Variants in ABCC11 observed in about 807,000 individuals in gnomAD.
The protein encoded by ABCC11 is ATP binding cassette subfamily C member 11, also known as ATP-binding cassette sub-family C member 11.
ABCC11 carries 135 observed loss-of-function variants against 149.3 expected under a neutral mutation model. That is an observed-to-expected ratio of 0.90 (90% CI 0.79 to 1.04). The LOEUF is 1.04. Among genes scored for constraint, ABCC11 ranks in the 50% least tolerant of loss-of-function variants. ABCC11 has a pLI of 0.00. For missense variants in ABCC11, 1,680 were observed against 1,722.1 expected, an observed-to-expected ratio of 0.98 and a Z score of 0.43; for synonymous variants, 665 against 671.4, an observed-to-expected ratio of 0.99 and a Z score of 0.15.
At chr16:48,222,479 C>G (rs1969807697) in intron 6 of ABCC11, 119 bp downstream of exon 6, 2 of 807,500 alleles carry the variant, frequency 2.5e-6, no homozygotes, top group South Asian at 3.6e-5. Context: ...GAATTATTTT[C>G]TTTCTCTTTC....
chr16:48,183,517 T>A (rs553755575), intron 23 of ABCC11, among the ~76,000 whole-genome samples: 3 of 152,348 alleles, frequency 2.0e-5, no homozygotes, highest in South Asian at 4.1e-4. Flanking sequence ...GTGCCAGCAC[T>A]TTGGGAGACC....
rs763261434 is a variant in ABCC11 at position 48,215,225 on chromosome 16, C to A, written c.1071G>T (p.Trp357Cys). 6.2e-7 allele frequency: 1 copy of A among 1,612,770 alleles called. No homozygotes were observed. Among genetic ancestry groups the A allele is most frequent in the Admixed American group, 1.7e-5 (1 of 59,980 alleles). The change falls in exon 8 of 30, where the codon TGG becomes TGT. Residue 357 changes from tryptophan (W) to cysteine (C), a missense_variant. Transcript: ENST00000356608. ...TCIKLIKMYT[W>C]EKPFAKIIED... The stretch of plus-strand genomic sequence containing the variant: ...CAATGATTTTTGCAAATGGTTTCTC[C>A]CATGTGTACATTTTAATCAGCTTAA...
chr16:48,213,517 G>A lies in ABCC11; in HGVS notation c.1282C>T (p.Arg428Trp), dbSNP rs769103104. The change falls in exon 10 of 30, where the codon CGG (arginine) becomes TGG (tryptophan). Residue 428 changes from arginine (R) to tryptophan (W), a missense_variant. Physicochemically the swap from Arg to Trp is moderately radical, Grantham distance 101. Transcript: ENST00000356608. ...ATAGGCACAAAGAACACTGACAGCC[G>A]AAGGAGATTCAAGGAGGCCAGCATG... ...FSMLASLNLLRLSVFFVPIAV... is the reference protein window; with the variant it reads ...FSMLASLNLLWLSVFFVPIAV... 2.4e-5 allele frequency: 38 copies of A among 1,610,658 alleles called. No homozygotes were observed. The highest frequency in any genetic ancestry group is 2.7e-5 in the African/African-American group (2 of 74,812).
intron 9 of ABCC11, among the ~76,000 whole-genome samples, chr16:48,213,905 C>T (rs1969122124): frequency 6.6e-6 from 1 of 152,168 alleles, no homozygotes; most frequent in South Asian, 2.1e-4. Flanking sequence ...GTGAGCATTG[C>T]TTCCTTTCAA....
rs1391625021 is a variant in ABCC11 at position 48,222,807 on chromosome 16, C to T, written c.568G>A (p.Glu190Lys). ...TTCCCCAACTGCTCTTCTGAATATT[C>T]CAGGATCTTTGGTATAATCAATATC... ...GPILIIPKIL[E>K]YSEEQLGNVV... Residue 190 changes from glutamate to lysine, a missense_variant, in exon 6 of 30, where the codon GAA becomes AAA. Transcript: ENST00000356608. 1.9e-6 allele frequency: 3 copies of T among 1,613,800 alleles called. No individual in the cohort carries two copies. Among genetic ancestry groups the T allele is most frequent in the African/African-American group, 1.3e-5 (1 of 74,906 alleles).
chr16:48,186,916 G>C (rs1322611487), intron 22 of ABCC11, 37 bp downstream of exon 22: 1 of 1,612,038 alleles, frequency 6.2e-7, no homozygotes, highest in Non-Finnish European at 8.5e-7. Flanking sequence ...CCACCCCTGT[G>C]GTTCCATCAT....
intron 20 of ABCC11, among the ~76,000 whole-genome samples, chr16:48,190,216 A>G (rs879356387): frequency 1.4e-4 from 21 of 152,158 alleles, no homozygotes; most frequent in Non-Finnish European, 2.5e-4. Flanking sequence ...TAGACTATAC[A>G]TCCATGATGG....
At chr16:48,165,401 G>A (rs1307384945), downstream of ABCC11, among the ~76,000 whole-genome samples, 2 of 152,230 alleles carry the variant, frequency 1.3e-5, no homozygotes, top group Non-Finnish European at 2.9e-5. Flanking sequence ...GCGCTCCAGG[G>A]CACCGGACTT....
intron 2 of ABCC11, 82 bp downstream of exon 2, chr16:48,231,741 A>T: frequency 6.5e-7 from 1 of 1,543,032 alleles, no homozygotes; most frequent in African/African-American, 1.4e-5. Context: ...ATGGGAAGAA[A>T]TTGTTTGACG....
chr16:48,197,156 C>T (rs1395010585), intron 17 of ABCC11, among the ~76,000 whole-genome samples: 2 of 152,140 alleles, frequency 1.3e-5, no homozygotes, highest in Non-Finnish European at 2.9e-5. Context: ...GAAACCCAGT[C>T]TCTACTAAAA....
chr16:48,187,111 AGGGACCT>A (rs1224943860), intron 21 of ABCC11, 21 bp from the exon 22 acceptor site: 1 of 1,614,036 alleles, frequency 6.2e-7, no homozygotes, highest in Non-Finnish European at 8.5e-7. Context: ...AGTGGAGGTA[AGGGACCT>A]GGACCGTCCA....
chr16:48,222,919 G>T, intron 5 of ABCC11, 88 bp from the exon 6 acceptor site: 1 of 1,122,006 alleles, frequency 8.9e-7, no homozygotes. Flanking sequence ...TGGGAGGTCT[G>T]ATTCATGCTG....
intron 14 of ABCC11, among the ~76,000 whole-genome samples, chr16:48,202,628 AAAG>A (rs1228182446): frequency 1.8e-4 from 27 of 152,168 alleles, no homozygotes; most frequent in African/African-American, 5.5e-4. Context: ...AAAAAAAAAA[AAAG>A]AAGAAGAAGA....
chr16:48,201,505 T>A (rs1373716481), intron 14 of ABCC11, among the ~76,000 whole-genome samples: 3 of 134,700 alleles, frequency 2.2e-5, no homozygotes, highest in Non-Finnish European at 4.6e-5. Flanking sequence ...AGAGATGAGG[T>A]CTCACTATAT....
Position 48,209,119 on chromosome 16 carries a change from G to A in ABCC11, c.1609-623C>T, listed in dbSNP as rs115485519. ...TGGGGGTTGAGGCAATTTTAGATGG[G>A]TCAGCCAGGGAAGGCTTCTACAGAG... On this transcript the variant is annotated intron_variant, in intron 11 of 29. Coordinates refer to ENST00000356608, the MANE Select transcript of ABCC11 (RefSeq NM_001370497.1). 1.7e-3 allele frequency among the ~76,000 whole-genome samples: 258 copies of A among 152,296 alleles called. 1 individual carries two copies. The highest frequency in any genetic ancestry group is 5.9e-3 in the African/African-American group (246 of 41,578).
rs145115472 is a variant in ABCC11, at chr16:48,222,672, G to A, written c.703C>T (p.Arg235Ter). Residue 235 changes from arginine (R) to a stop codon, truncating the protein, a stop_gained, in exon 6 of 30, where the codon CGA becomes TGA. Transcript: ENST00000356608. LOFTEE classifies it high-confidence loss of function. ...AAGGCAAAGGAGGAAACAGCTGCTCGGAACCTGATGGCTGTGCGTTGGTTG... is the reference window on the plus strand; with the variant it reads ...AAGGCAAAGGAGGAAACAGCTGCTCAGAACCTGATGGCTGTGCGTTGGTTG... ...IINQRTAIRF[R>*]AAVSSFAFEK... The A allele has an allele frequency of 3.8e-5, 61 of 1,614,066 alleles. No individual in the cohort carries two copies. The highest frequency in any genetic ancestry group is 1.8e-4 in the Admixed American group (11 of 60,000).
chr16:48,180,206 G>A (rs62058529), intron 23 of ABCC11, among the ~76,000 whole-genome samples: 10,856 of 152,300 alleles, frequency 0.071, 516 homozygotes, highest in Middle Eastern at 0.11. Context: ...CATTCTGGCC[G>A]TTGAAGGATG....
At chr16:48,222,876 A>G in intron 5 of ABCC11, 45 bp from the exon 6 acceptor site, 1 of 1,503,326 alleles carries the variant, frequency 6.7e-7, no homozygotes, top group Non-Finnish European at 9.2e-7. Flanking sequence ...ACCCTGCCAG[A>G]CACGTTTGAT....
intron 23 of ABCC11, among the ~76,000 whole-genome samples, chr16:48,181,231 G>C (rs868791212): frequency 3.1e-4 from 47 of 152,266 alleles, no homozygotes; most frequent in African/African-American, 1.0e-3. Flanking sequence ...CCGGAGGTTT[G>C]GGGGGCACTC....
Sources: allele counts gnomAD v4.1 joint callset (sites outside exome capture counted in the v4.1 genomes callset), GRCh38; gene constraint gnomAD v4.1.1; transcripts MANE v1.5; gene names NCBI Gene and HGNC (gene_info 2026-07-23, HGNC 2026-07-21).